WBP1L: variants seen among roughly 807,000 people sequenced by gnomAD.
WBP1L encodes the protein WW domain binding protein 1 like.
WBP1L carries 17 observed loss-of-function variants against 33.7 expected under a neutral mutation model. The ratio of observed to expected loss-of-function variants is 0.50; its 90% CI spans 0.34 to 0.76. The LOEUF (loss-of-function observed/expected upper bound fraction) is 0.76, where lower values mean the gene tolerates loss of function less well. Ranked by LOEUF, WBP1L falls within the 30% of genes least tolerant of loss-of-function variation. The probability of loss-of-function intolerance (pLI) is 0.01; values close to 1 mark genes in which losing one functional copy is unlikely to be tolerated. For missense variants in WBP1L, 389 were observed against 469.4 expected, an observed-to-expected ratio of 0.83 and a Z score of 1.58; for synonymous variants, 173 against 190.8, an observed-to-expected ratio of 0.91 and a Z score of 0.77.
intron 2 of WBP1L, among the ~76,000 whole-genome samples, chr10:102,808,673 G>A (rs1843777804): frequency 6.6e-6 from 1 of 152,336 alleles, no homozygotes; most frequent in South Asian, 2.1e-4. Flanking sequence ...CACTCTCTAG[G>A]GAGGAGATGG....
Position 102,780,783 on chromosome 10 carries a change from C to G in WBP1L, c.91-17210C>G, listed in dbSNP as rs117314927. On this transcript the variant is annotated intron_variant, in intron 1 of 3. Coordinates refer to ENST00000448841, the MANE Select transcript of WBP1L (RefSeq NM_001083913.2). The stretch of plus-strand genomic sequence containing the variant: ...AGGTGGCCCTTCCCACAGTCCAATC[C>G]AGTAGTATCAGTTGTTGCACTATAG... 1.5e-3 allele frequency among the ~76,000 whole-genome samples: 233 copies of G among 152,332 alleles called. No individual in the cohort carries two copies. The East Asian group carries it at 0.025, about 16-fold the overall frequency.
At chr10:102,802,060 C>T (rs1166842777) in intron 2 of WBP1L, among the ~76,000 whole-genome samples, 6 of 80,832 alleles carry the variant, frequency 7.4e-5, no homozygotes, top group Non-Finnish European at 1.5e-4. Flanking sequence ...CCACCCTCCC[C>T]TACCCTTCCC....
rs543802091 is a variant in WBP1L at position 102,804,581 on chromosome 10, T to C, written c.194-5312T>C. 2.6e-5 allele frequency among the ~76,000 whole-genome samples: 4 copies of C among 152,044 alleles called. No individual in the cohort carries two copies. In the East Asian group the frequency reaches 7.7e-4, roughly 29 times the overall value. On this transcript the variant is annotated intron_variant, in intron 2 of 3. Transcript: ENST00000448841. ...AAGTTGTGCCACAGGAACAAGCAAG[T>C]CCAAAATCCTAGTGACCTAAAAACA...
At chr10:102,768,241 A>C (rs1843137610) in intron 1 of WBP1L, among the ~76,000 whole-genome samples, 1 of 150,902 alleles carries the variant, frequency 6.6e-6, no homozygotes. Context: ...TGCCCGGCTA[A>C]TTTTTATATT....
In WBP1L at chr10:102,812,953, A is replaced by G. The variant is rs1413860132; in HGVS notation, c.714A>G (p.Glu238=). The G allele has an allele frequency of 6.2e-6, 10 of 1,607,566 alleles. No individual in the cohort carries two copies. The highest frequency in any genetic ancestry group is 1.1e-5 in the South Asian group (1 of 90,830). The stretch of plus-strand genomic sequence containing the variant: ...GGGCCTTCCTGGACAAAGATGCAGA[A>G]TGTAGGGAGGAGCTGCTGAAAGATG... ...DPGAFLDKDA[E]CREELLKDDS... The change falls in exon 4 of 4, where the codon GAA becomes GAG. Residue 238 remains glutamate (E), a synonymous_variant. Transcript: ENST00000448841.
chr10:102,776,544 C>A (rs1843266525), intron 1 of WBP1L: 4 of 1,252,274 alleles, frequency 3.2e-6, no homozygotes, highest in Non-Finnish European at 4.6e-6. Flanking sequence ...CCAGCTCCCA[C>A]ACAGAACTTT....
chr10:102,770,328 T>C (rs1412188933), intron 1 of WBP1L, among the ~76,000 whole-genome samples: 2 of 152,164 alleles, frequency 1.3e-5, no homozygotes, highest in Admixed American at 1.3e-4. Flanking sequence ...ATCTCTTATC[T>C]TAGACATTCT....
At chr10:102,790,954 C>A (rs1843488891) in intron 1 of WBP1L, among the ~76,000 whole-genome samples, 1 of 152,110 alleles carries the variant, frequency 6.6e-6, no homozygotes, top group Non-Finnish European at 1.5e-5. Flanking sequence ...ATCCTCAGAC[C>A]ATGTAGTAGT....
chr10:102,759,489 C>A (rs917890122), intron 1 of WBP1L, among the ~76,000 whole-genome samples: 1 of 152,066 alleles, frequency 6.6e-6, no homozygotes, highest in East Asian at 1.9e-4. Flanking sequence ...ATAGTTTGTG[C>A]CTTCAGTCTC....
At chr10:102,794,387 G>A (rs984327649) in intron 1 of WBP1L, among the ~76,000 whole-genome samples, 6 of 152,174 alleles carry the variant, frequency 3.9e-5, no homozygotes, top group Non-Finnish European at 7.4e-5. Context: ...GCTGAGGCAG[G>A]AGAATCATTT....
intron 1 of WBP1L, among the ~76,000 whole-genome samples, chr10:102,794,331 C>T (rs1445951248): frequency 6.6e-6 from 1 of 151,974 alleles, no homozygotes; most frequent in Non-Finnish European, 1.5e-5. Flanking sequence ...TTGAAGGAGA[C>T]GGCTGGGCGT....
intron 1 of WBP1L, among the ~76,000 whole-genome samples, chr10:102,745,397 A>G (rs1842853820): frequency 6.6e-6 from 1 of 152,206 alleles, no homozygotes; most frequent in African/African-American, 2.4e-5. Flanking sequence ...ACCTCTATCT[A>G]GTTCCAAAAC....
Position 102,781,872 on chromosome 10 carries a change from G to T in WBP1L, c.91-16121G>T, listed in dbSNP as rs11819129. ...GCCCTTTCAGGTTAATTTTTTTTGG[G>T]GGGGGTGGGGGGAGGGATGGAGTCT... On this transcript the variant is annotated intron_variant, in intron 1 of 3. Coordinates refer to ENST00000448841, the MANE Select transcript of WBP1L (RefSeq NM_001083913.2). Among the ~76,000 whole-genome samples the T allele has an allele frequency of 2.5e-3, 311 of 126,284 alleles. 1 individual carries two copies. Among genetic ancestry groups the T allele is most frequent in the African/African-American group, 8.4e-3 (290 of 34,438 alleles). The allele number at this position is 126,284 out of a possible 152,430, so 82.8% of individuals were successfully genotyped here. A position where few individuals can be genotyped will look rare whatever the true frequency, so the allele number is the denominator to read the frequency against.
At chr10:102,777,950 A>T (rs1843289123) in intron 1 of WBP1L, among the ~76,000 whole-genome samples, 1 of 152,164 alleles carries the variant, frequency 6.6e-6, no homozygotes. Flanking sequence ...AGCTGGATGA[A>T]GCGTCTCATG....
intron 1 of WBP1L, among the ~76,000 whole-genome samples, chr10:102,765,021 G>T (rs1265641868): frequency 6.6e-6 from 1 of 152,174 alleles, no homozygotes; most frequent in African/African-American, 2.4e-5. Flanking sequence ...AGGGAATTTT[G>T]CTTTTGAGAT....
At chr10:102,750,116 G>T (rs1210499356) in intron 1 of WBP1L, among the ~76,000 whole-genome samples, 1 of 151,434 alleles carries the variant, frequency 6.6e-6, no homozygotes, top group African/African-American at 2.4e-5. Context: ...ACTTTATTGA[G>T]ATATAATCAG....
chr10:102,775,581 G>A (rs1224831661), intron 1 of WBP1L, among the ~76,000 whole-genome samples: 3 of 152,176 alleles, frequency 2.0e-5, no homozygotes, highest in Non-Finnish European at 4.4e-5. Flanking sequence ...CTGTACTTGC[G>A]CAGTTTGTTT....
chr10:102,809,828 C>A, intron 2 of WBP1L, 65 bp from the exon 3 acceptor site: 1 of 1,536,908 alleles, frequency 6.5e-7, no homozygotes, highest in Non-Finnish European at 8.8e-7. Context: ...CTCCCTGTTC[C>A]GCAAGCTGCC....
chr10:102,769,353 TTTCTTTC>T (rs1308593562), intron 1 of WBP1L, among the ~76,000 whole-genome samples: 1 of 143,272 alleles, frequency 7.0e-6, no homozygotes, highest in Admixed American at 7.0e-5. Flanking sequence ...TGTTTTCTTT[TTTCTTTC>T]TTTTTTTTTT....
Sources: allele counts gnomAD v4.1 joint callset (sites outside exome capture counted in the v4.1 genomes callset), GRCh38; gene constraint gnomAD v4.1.1; transcripts MANE v1.5; gene names NCBI Gene and HGNC (gene_info 2026-07-23, HGNC 2026-07-21).